Variants in MAPK10 observed in about 807,000 individuals in gnomAD.
The protein encoded by MAPK10 is mitogen-activated protein kinase 10.
Under a neutral mutation model 59.3 loss-of-function variants are expected in MAPK10, and 25 were observed. The observed-to-expected ratio is 0.42, with a 90% CI of 0.31 to 0.59. The LOEUF is 0.59. Among genes scored for constraint, MAPK10 ranks in the 20% least tolerant of loss-of-function variants. MAPK10 has a pLI of 0.15. For synonymous variants in MAPK10, 190 were observed against 200.5 expected, an observed-to-expected ratio of 0.95 and a Z score of 0.44; for missense variants, 351 against 568.9, an observed-to-expected ratio of 0.62 and a Z score of 3.90.
intron 1 of MAPK10, among the ~76,000 whole-genome samples, chr4:86,534,837 C>T (rs1210489972): frequency 6.6e-6 from 1 of 151,950 alleles, no homozygotes; most frequent in East Asian, 1.9e-4. Context: ...ACCCAGGAGG[C>T]GGAGGTTGCA....
intron 2 of MAPK10, among the ~76,000 whole-genome samples, chr4:86,315,431 T>C (rs2095761837): frequency 6.6e-6 from 1 of 152,138 alleles, no homozygotes; most frequent in Non-Finnish European, 1.5e-5. Flanking sequence ...CACAAATAAA[T>C]GCTTGACTAG....
chr4:86,165,508 C>G (rs1020226287), intron 3 of MAPK10, among the ~76,000 whole-genome samples: 1 of 139,188 alleles, frequency 7.2e-6, no homozygotes, highest in African/African-American at 2.6e-5. Flanking sequence ...CTTCTGATAG[C>G]TGATACTATA....
At chr4:86,121,895 A>G (rs933157345) in intron 4 of MAPK10, among the ~76,000 whole-genome samples, 1 of 152,144 alleles carries the variant, frequency 6.6e-6, no homozygotes, top group South Asian at 2.1e-4. Context: ...GCCTCCAGCC[A>G]CTGGTAACCA....
chr4:86,383,254 G>A (rs896766254), intron 1 of MAPK10, among the ~76,000 whole-genome samples: 1 of 152,068 alleles, frequency 6.6e-6, no homozygotes, highest in Non-Finnish European at 1.5e-5. Flanking sequence ...TGAGTATTTA[G>A]TCTAGACTAT....
chr4:86,092,328 C>A (rs922495841), intron 9 of MAPK10, among the ~76,000 whole-genome samples: 12 of 151,946 alleles, frequency 7.9e-5, no homozygotes, highest in Non-Finnish European at 5.9e-5. Flanking sequence ...AAATGCTAAG[C>A]CTTGTGCCTA....
Position 86,234,844 on chromosome 4 carries a change from G to A in MAPK10, c.-6-40437C>T, listed in dbSNP as rs996862768. ...AATCAACAACCTCTAAGACCCTTTC[G>A]GGAAATACATCTCTTTGTAAGGAAA... On this transcript the variant is annotated intron_variant, in intron 2 of 13. Coordinates refer to ENST00000641462, the MANE Select transcript of MAPK10 (RefSeq NM_138982.4). Among the ~76,000 whole-genome samples the A allele has an allele frequency of 5.9e-5, 9 of 152,060 alleles. 1 individual carries two copies. The highest frequency in any genetic ancestry group is 5.2e-4 in the Admixed American group (8 of 15,260).
At chr4:86,233,601 T>C (rs2091887623) in intron 2 of MAPK10, among the ~76,000 whole-genome samples, 1 of 152,148 alleles carries the variant, frequency 6.6e-6, no homozygotes, top group African/African-American at 2.4e-5. Flanking sequence ...TAGGCTAGAT[T>C]TCTCCTGACC....
chr4:86,581,542 T>C (rs1762262653), intron 1 of MAPK10, among the ~76,000 whole-genome samples: 1 of 152,062 alleles, frequency 6.6e-6, no homozygotes, highest in Admixed American at 6.6e-5. Context: ...AGAAAAATGG[T>C]AAGCATGTTG....
At chr4:86,132,619 A>C (rs2061215045) in intron 4 of MAPK10, among the ~76,000 whole-genome samples, 1 of 152,208 alleles carries the variant, frequency 6.6e-6, no homozygotes, top group Non-Finnish European at 1.5e-5. Context: ...GCTGTGGGTG[A>C]GCAAGCAAAG....
intron 3 of MAPK10, among the ~76,000 whole-genome samples, chr4:86,187,892 G>A (rs369903078): frequency 3.4e-4 from 51 of 151,950 alleles, no homozygotes; most frequent in African/African-American, 1.2e-3. Context: ...TACATTAGGT[G>A]TTTCTCCTAA....
chr4:86,354,873 T>A (rs186512550), intron 1 of MAPK10, among the ~76,000 whole-genome samples: 28 of 152,272 alleles, frequency 1.8e-4, no homozygotes, highest in African/African-American at 6.3e-4. Context: ...TAAACTAAAT[T>A]AGTAATTCTT....
chr4:86,141,130 TA>T (rs1035390222), intron 4 of MAPK10, among the ~76,000 whole-genome samples: 12 of 152,316 alleles, frequency 7.9e-5, no homozygotes, highest in Admixed American at 7.2e-4. Flanking sequence ...ACTTAGGTTT[TA>T]AAAGGCCTTG....
At chr4:86,085,731 C>A (rs2051657439) in intron 9 of MAPK10, among the ~76,000 whole-genome samples, 1 of 152,136 alleles carries the variant, frequency 6.6e-6, no homozygotes, top group Admixed American at 6.6e-5. Context: ...ATCTGGCAAT[C>A]CCACTGCTGG....
At chr4:86,210,904 AAAG>A (rs2085599815) in intron 2 of MAPK10, among the ~76,000 whole-genome samples, 1 of 151,888 alleles carries the variant, frequency 6.6e-6, no homozygotes, top group Non-Finnish European at 1.5e-5. Context: ...AAAGGAAAAA[AAAG>A]AAATTCTAGA....
intron 1 of MAPK10, chr4:86,593,706 T>C (rs1377187839): frequency 2.0e-5 from 3 of 152,234 alleles, no homozygotes; most frequent in South Asian, 2.1e-4. Context: ...CTTTTGAAGA[T>C]AGCTTTACAA....
chr4:86,210,384 A>G (rs921896270), intron 2 of MAPK10, among the ~76,000 whole-genome samples: 19 of 151,222 alleles, frequency 1.3e-4, no homozygotes, highest in African/African-American at 4.6e-4. Context: ...GTGACAAAGT[A>G]TTAATAACAG....
chr4:86,539,534 C>T (rs980277140), intron 1 of MAPK10, among the ~76,000 whole-genome samples: 1 of 152,150 alleles, frequency 6.6e-6, no homozygotes, highest in Non-Finnish European at 1.5e-5. Flanking sequence ...GGTCTTACAT[C>T]AGCTAGCAAG....
intron 9 of MAPK10, among the ~76,000 whole-genome samples, chr4:86,077,150 G>T (rs1306655761): frequency 6.6e-6 from 1 of 152,024 alleles, no homozygotes; most frequent in Non-Finnish European, 1.5e-5. Context: ...ATGATGTCCA[G>T]ATAATGTACA....
At chr4:86,081,361 G>A (rs1363519512) in intron 9 of MAPK10, 1 of 151,834 alleles carries the variant, frequency 6.6e-6, no homozygotes, top group Non-Finnish European at 1.5e-5. Flanking sequence ...ATAAATTATA[G>A]GAAAAGACAG....
Sources: allele counts gnomAD v4.1 joint callset (sites outside exome capture counted in the v4.1 genomes callset), GRCh38; gene constraint gnomAD v4.1.1; transcripts MANE v1.5; gene names NCBI Gene and HGNC (gene_info 2026-07-23, HGNC 2026-07-21).